CACNG2: variants seen among roughly 807,000 people sequenced by gnomAD.
CACNG2 encodes voltage-dependent calcium channel gamma-2 subunit.
CACNG2 carries 3 observed loss-of-function variants against 25.9 expected under a neutral mutation model. The ratio of observed to expected loss-of-function variants is 0.12; its 90% CI spans 0.05 to 0.30. The LOEUF is 0.30. CACNG2 is among the 10% of genes least tolerant of loss of function. The pLI is 1.00. For missense variants in CACNG2, 341 were observed against 432.5 expected (o/e 0.79, Z 1.88); for synonymous variants, 167 against 173.3 (o/e 0.96, Z 0.29).
chr22:36,632,286 C>T (rs1036097019), intron 1 of CACNG2, among the ~76,000 whole-genome samples: 2 of 152,154 alleles, frequency 1.3e-5, no homozygotes, highest in African/African-American at 2.4e-5. Context: ...GTCTGGCACA[C>T]GGGAAGACCA....
intron 1 of CACNG2, among the ~76,000 whole-genome samples, chr22:36,602,620 A>T (rs1464614162): frequency 1.3e-5 from 2 of 152,178 alleles, no homozygotes; most frequent in African/African-American, 4.8e-5. Flanking sequence ...TCCTGACCTC[A>T]GGTGATCCGC....
At chr22:36,587,341 T>G in intron 2 of CACNG2, 124 bp downstream of exon 2, 1 of 786,258 alleles carries the variant, frequency 1.3e-6, no homozygotes, top group Non-Finnish European at 2.3e-6. Flanking sequence ...GGAGAGAGGC[T>G]TAGCTTTTTC....
intron 1 of CACNG2, among the ~76,000 whole-genome samples, chr22:36,701,710 T>C (rs1440990500): frequency 6.6e-6 from 1 of 152,224 alleles, no homozygotes; most frequent in African/African-American, 2.4e-5. Flanking sequence ...GTATGTATTT[T>C]TAGACTTTGT....
chr22:36,603,253 C>T (rs960036553), intron 1 of CACNG2, among the ~76,000 whole-genome samples: 4 of 152,212 alleles, frequency 2.6e-5, no homozygotes, highest in Non-Finnish European at 5.9e-5. Context: ...CCCTAACTCT[C>T]TTCAATTGTA....
chr22:36,586,969 T>C (rs1935516128), intron 2 of CACNG2, among the ~76,000 whole-genome samples: 1 of 152,064 alleles, frequency 6.6e-6, no homozygotes, highest in African/African-American at 2.4e-5. Flanking sequence ...TTTTTTTTTT[T>C]TCATTAGAAG....
At chr22:36,623,404 G>T (rs903848965) in intron 1 of CACNG2, among the ~76,000 whole-genome samples, 7 of 152,180 alleles carry the variant, frequency 4.6e-5, no homozygotes, top group African/African-American at 1.7e-4. Context: ...GCATTCATAT[G>T]CTGGGGCCAG....
At chr22:36,697,023 A>C (rs1937350695) in intron 1 of CACNG2, among the ~76,000 whole-genome samples, 1 of 152,160 alleles carries the variant, frequency 6.6e-6, no homozygotes, top group Non-Finnish European at 1.5e-5. Flanking sequence ...TAGGATGTAA[A>C]TTTGCTATTT....
intron 2 of CACNG2, among the ~76,000 whole-genome samples, chr22:36,574,796 A>C (rs141261510): frequency 3.7e-4 from 5 of 13,416 alleles, no homozygotes; most frequent in African/African-American, 1.1e-3. Context: ...AAAACAAAAC[A>C]AAACCAAAAC....
intron 3 of CACNG2, 65 bp downstream of exon 3, chr22:36,566,288 G>C (rs1047639974): frequency 6.6e-7 from 1 of 1,514,362 alleles, no homozygotes; most frequent in Non-Finnish European, 9.2e-7. Context: ...CCAGGCCCTC[G>C]TGGCCCCTGA....
At chr22:36,611,177 C>T (rs569877271) in intron 1 of CACNG2, among the ~76,000 whole-genome samples, 1 of 152,264 alleles carries the variant, frequency 6.6e-6, no homozygotes, top group South Asian at 2.1e-4. Flanking sequence ...TGTCAAGGGA[C>T]TGCGGGGGCT....
intron 1 of CACNG2, among the ~76,000 whole-genome samples, chr22:36,621,793 G>A (rs1292780738): frequency 1.3e-5 from 2 of 152,202 alleles, no homozygotes; most frequent in African/African-American, 2.4e-5. Context: ...TCACAGAATC[G>A]AAAAGATGCT....
chr22:36,587,425 C>T, intron 2 of CACNG2, 40 bp downstream of exon 2: 1 of 1,427,702 alleles, frequency 7.0e-7, no homozygotes, highest in Non-Finnish European at 9.9e-7. Flanking sequence ...GGGCAGGGCC[C>T]ACCACCAGGA....
At chr22:36,586,957 C>CTT (rs552111507) in intron 2 of CACNG2, among the ~76,000 whole-genome samples, 1 of 140,686 alleles carries the variant, frequency 7.1e-6, no homozygotes. Context: ...AAATCTCTCT[C>CTT]TTTTTTTTTT....
At chr22:36,629,274 G>A (rs533250315) in intron 1 of CACNG2, among the ~76,000 whole-genome samples, 61 of 152,058 alleles carry the variant, frequency 4.0e-4, no homozygotes, top group Non-Finnish European at 7.6e-4. Context: ...TTCATTCACC[G>A]TTCATTCATT....
intron 1 of CACNG2, among the ~76,000 whole-genome samples, chr22:36,695,435 G>T (rs1055429874): frequency 2.6e-5 from 4 of 151,842 alleles, no homozygotes; most frequent in Admixed American, 2.6e-4. Context: ...TTTGGGTCCT[G>T]ACCACTTCCA....
At chr22:36,681,995 A>G (rs1373824196) in intron 1 of CACNG2, among the ~76,000 whole-genome samples, 2 of 152,214 alleles carry the variant, frequency 1.3e-5, no homozygotes, top group Non-Finnish European at 2.9e-5. Context: ...CTCTACCATC[A>G]GCCCATCTTC....
intron 1 of CACNG2, among the ~76,000 whole-genome samples, chr22:36,691,717 T>C (rs183403120): frequency 5.3e-5 from 8 of 152,264 alleles, no homozygotes; most frequent in Admixed American, 3.3e-4. Context: ...TTAATGGGTA[T>C]CACAGCACAT....
chr22:36,623,251 C>T (rs1378794071), intron 1 of CACNG2, among the ~76,000 whole-genome samples: 1 of 151,882 alleles, frequency 6.6e-6, no homozygotes, highest in Admixed American at 6.6e-5. Flanking sequence ...GAACTCCTGA[C>T]CTCAAGTGAT....
chr22:36,685,042 C>T (rs1038333566), intron 1 of CACNG2, among the ~76,000 whole-genome samples: 3 of 152,226 alleles, frequency 2.0e-5, no homozygotes, highest in African/African-American at 7.2e-5. Context: ...TAATTTTAGC[C>T]TGGGCTCCAG....
Sources: gnomAD v4.1 joint callset for allele counts (sites outside exome capture counted in the v4.1 genomes callset) on GRCh38, gnomAD v4.1.1 for gene constraint, MANE v1.5 for transcripts, NCBI Gene and HGNC (gene_info 2026-07-23, HGNC 2026-07-21) for gene names.